The following ACBD3 variants were observed in gnomAD, a reference collection of about 807,000 sequenced individuals.
The protein encoded by ACBD3 is Golgi resident protein GCP60.
A neutral mutation model predicts 66.9 loss-of-function variants in ACBD3; 30 were observed. The observed-to-expected ratio is 0.45, with a 90% CI of 0.34 to 0.61. The LOEUF (loss-of-function observed/expected upper bound fraction) is 0.61. Ranked by LOEUF, ACBD3 falls within the 20% of genes least tolerant of loss-of-function variation. The pLI, the probability that ACBD3 is intolerant of heterozygous loss-of-function variation, is 0.02. For missense variants in ACBD3, 544 were observed against 664.5 expected, an observed-to-expected ratio of 0.82 and a Z score of 1.99; for synonymous variants, 278 against 259.8, an observed-to-expected ratio of 1.07 and a Z score of -0.68.
chr1:226,186,694 C>A lies in ACBD3; in HGVS notation c.-19G>T. On this transcript the variant is annotated 5_prime_UTR_variant, in exon 1 of 8. It adds an upstream start codon to the 5' untranslated region. Transcript: ENST00000366812. The stretch of plus-strand genomic sequence containing the variant: ...CCGCCATCTCCGGCTGCTGCACCTC[C>A]TCAGCGGGGACAGACGGCAGCCACG... The A allele has an allele frequency of 1.4e-6, 2 of 1,474,184 alleles. No homozygotes were observed. Among genetic ancestry groups the A allele is most frequent in the Non-Finnish European group, 8.9e-7 (1 of 1,118,174 alleles). 91.3% of individuals were successfully genotyped at this position (1,474,184 alleles called of 1,614,324 possible). A position where few individuals can be genotyped will look rare whatever the true frequency, so the allele number is the denominator to read the frequency against.
At chr1:226,178,526 G>A (rs1656100918) in intron 1 of ACBD3, among the ~76,000 whole-genome samples, 1 of 126,760 alleles carries the variant, frequency 7.9e-6, no homozygotes, top group African/African-American at 3.0e-5. Context: ...AGTGAGCCGA[G>A]ATTGCGCCAC....
At chr1:226,159,119 G>T (rs959826832) in intron 5 of ACBD3, 65 bp downstream of exon 5, 2 of 1,561,668 alleles carry the variant, frequency 1.3e-6, no homozygotes, top group Admixed American at 1.8e-5. Flanking sequence ...TGTTAAAAAA[G>T]AACTTGGGTT....
At chr1:226,186,118 AG>A (rs761989256) in intron 1 of ACBD3, among the ~76,000 whole-genome samples, 11 of 152,262 alleles carry the variant, frequency 7.2e-5, no homozygotes, top group Non-Finnish European at 1.3e-4. Flanking sequence ...TGGAAATCCC[AG>A]AAGCTAAATC....
chr1:226,185,288 A>G (rs1656269397), intron 1 of ACBD3, among the ~76,000 whole-genome samples: 1 of 152,228 alleles, frequency 6.6e-6, no homozygotes, highest in South Asian at 2.1e-4. Context: ...AAAATTTATA[A>G]AACTTTCACT....
chr1:226,186,498 G>C lies in ACBD3; in HGVS notation c.178C>G (p.Pro60Ala). The stretch of plus-strand genomic sequence containing the variant: ...GCGCCCCCAGCCGCCGCCTCCCCGG[G>C]CTCGGGCTGCTCCCCTGAGGCGCCC... ...GPGASGEQPE[P>A]GEAAAGGAAE... Residue 60 changes from proline to alanine, a missense_variant, in exon 1 of 8, where the codon CCC (proline) becomes GCC (alanine). By Grantham distance (27) the Pro-to-Ala change is conservative (BLOSUM62 -1). This residue lies in a region of ACBD3 where 137 missense variants were observed against 145.9 expected (regional missense o/e 0.94). Coordinates refer to ENST00000366812, the MANE Select transcript of ACBD3 (RefSeq NM_022735.4). 6.8e-7 allele frequency: 1 copy of C among 1,475,186 alleles called. No homozygotes were observed. The highest frequency in any genetic ancestry group is 9.0e-7 in the Non-Finnish European group (1 of 1,115,944). The allele number at this position is 1,475,186 out of a possible 1,614,324, so 91.4% of individuals were successfully genotyped here. A position where few individuals can be genotyped will look rare whatever the true frequency, so the allele number is the denominator to read the frequency against.
intron 1 of ACBD3, among the ~76,000 whole-genome samples, chr1:226,169,278 C>T (rs888930375): frequency 4.0e-5 from 6 of 151,726 alleles, no homozygotes; most frequent in African/African-American, 1.5e-4. Flanking sequence ...GACAGAGTCT[C>T]GCTCTGTCAC....
intron 1 of ACBD3, among the ~76,000 whole-genome samples, chr1:226,183,282 T>A (rs59720499): frequency 0.21 from 31,355 of 152,048 alleles, 3,358 homozygotes; most frequent in South Asian, 0.37. Flanking sequence ...TTCAAGTGAT[T>A]CTCCTGCCTC....
chr1:226,161,503 T>C (rs781240920), intron 4 of ACBD3, 28 bp downstream of exon 4: 1 of 1,605,576 alleles, frequency 6.2e-7, no homozygotes, highest in South Asian at 1.1e-5. Context: ...TTTCTCATTT[T>C]AAAACATAAG....
At chr1:226,149,250 G>C (rs1023470472) in intron 7 of ACBD3, among the ~76,000 whole-genome samples, 3 of 149,522 alleles carry the variant, frequency 2.0e-5, no homozygotes, top group Non-Finnish European at 3.0e-5. Flanking sequence ...TTTTTGAGAC[G>C]GAGTCTGGCT....
At chr1:226,159,526 A>C (rs1659732911) in intron 4 of ACBD3, among the ~76,000 whole-genome samples, 168 bp from the exon 5 acceptor site, 1 of 152,214 alleles carries the variant, frequency 6.6e-6, no homozygotes, top group Non-Finnish European at 1.5e-5. Context: ...GATTTAAGAA[A>C]ATAAGCCTGG....
intron 7 of ACBD3, among the ~76,000 whole-genome samples, chr1:226,151,026 G>C (rs370428786): frequency 3.3e-5 from 5 of 152,190 alleles, no homozygotes; most frequent in East Asian, 3.8e-4. Flanking sequence ...TTCAAGAAAT[G>C]TATGGCACAC....
chr1:226,184,954 CAAA>C (rs56165469), intron 1 of ACBD3, among the ~76,000 whole-genome samples: 5 of 91,158 alleles, frequency 5.5e-5, no homozygotes, highest in Admixed American at 1.3e-4. Flanking sequence ...GACTCCAGCT[CAAA>C]AAAAAAAAAA....
chr1:226,163,877 T>C (rs910716653), intron 3 of ACBD3, among the ~76,000 whole-genome samples: 2 of 152,064 alleles, frequency 1.3e-5, no homozygotes, highest in South Asian at 4.1e-4. Context: ...TCCCAGCACT[T>C]TGGGAGGACC....
At chr1:226,159,842 C>G (rs1462261696) in intron 4 of ACBD3, among the ~76,000 whole-genome samples, 1 of 152,152 alleles carries the variant, frequency 6.6e-6, no homozygotes, top group African/African-American at 2.4e-5. Context: ...GGATTGTCAT[C>G]TCTGACATAG....
In ACBD3 at chr1:226,144,767, G is replaced by A. The variant is rs1245303863; in HGVS notation, c.*1843C>T. Reference sequence around the variant, plus strand: ...GTACTGTACTAATCAACAGCCAAAGGCAATAAGAAAGTTTAAAACCAAAAA... The same window carrying A: ...GTACTGTACTAATCAACAGCCAAAGACAATAAGAAAGTTTAAAACCAAAAA... On this transcript the variant is annotated 3_prime_UTR_variant, in exon 8 of 8. Coordinates refer to ENST00000366812, the MANE Select transcript of ACBD3 (RefSeq NM_022735.4). The A allele has an allele frequency of 1.3e-5, 2 of 152,408 alleles. No individual in the cohort carries two copies. Among genetic ancestry groups the A allele is most frequent in the Non-Finnish European group, 2.9e-5 (2 of 68,010 alleles). The allele number at this position is 152,408 out of a possible 1,614,324, so 9.4% of individuals were successfully genotyped here.
chr1:226,164,116 TAAAAAA>T lies in ACBD3; in HGVS notation c.569+667_569+672del, dbSNP rs1165905762. On this transcript the variant is annotated intron_variant, in intron 3 of 7. Transcript: ENST00000366812. ...ATAGCAACAGAGCAAGACTCCATCT[TAAAAAA>T]AAAAAAAAAAAAAAAAAAAAAGTAT... Among the ~76,000 whole-genome samples the T allele has an allele frequency of 8.3e-4, 43 of 51,590 alleles. No individual in the cohort carries two copies. In the South Asian group the frequency reaches 0.011, roughly 13 times the overall value. The allele number at this position is 51,590 out of a possible 152,430, so 33.8% of individuals were successfully genotyped here.
intron 1 of ACBD3, among the ~76,000 whole-genome samples, chr1:226,166,259 G>C (rs1419402384): frequency 2.6e-5 from 4 of 151,728 alleles, no homozygotes; most frequent in Admixed American, 6.6e-5. Context: ...GGACTCAAAT[G>C]ACCCTCCCAC....
intron 6 of ACBD3, among the ~76,000 whole-genome samples, chr1:226,152,828 C>T (rs1659604008): frequency 6.6e-6 from 1 of 152,196 alleles, no homozygotes; most frequent in Non-Finnish European, 1.5e-5. Flanking sequence ...ACTCAGAGGT[C>T]ATCGTACTTC....
At chr1:226,173,625 T>G (rs1290794141) in intron 1 of ACBD3, among the ~76,000 whole-genome samples, 1 of 152,180 alleles carries the variant, frequency 6.6e-6, no homozygotes, top group African/African-American at 2.4e-5. Flanking sequence ...ACAATCTATA[T>G]TGCTATGCAG....
Sources: allele counts gnomAD v4.1 joint callset (sites outside exome capture counted in the v4.1 genomes callset), GRCh38; gene constraint gnomAD v4.1.1; regional missense constraint gnomAD v4.1.1; transcripts MANE v1.5; gene names NCBI Gene and HGNC (gene_info 2026-07-23, HGNC 2026-07-21).